The following CDKAL1 variants were observed in gnomAD, a reference collection of about 807,000 sequenced individuals.
The protein encoded by CDKAL1 is CDKAL1 threonylcarbamoyladenosine tRNA methylthiotransferase.
A neutral mutation model predicts 68.2 loss-of-function variants in CDKAL1; 32 were observed. The ratio of observed to expected loss-of-function variants is 0.47; its 90% CI spans 0.35 to 0.63. The LOEUF (loss-of-function observed/expected upper bound fraction) is 0.63. Ranked by LOEUF, CDKAL1 falls within the 30% of genes least tolerant of loss-of-function variation. The pLI is 0.00. For missense variants in CDKAL1, 606 were observed against 696.7 expected, an observed-to-expected ratio of 0.87 and a Z score of 1.47; for synonymous variants, 234 against 244.3, an observed-to-expected ratio of 0.96 and a Z score of 0.39.
chr6:21,118,615 C>T (rs1335088480), intron 13 of CDKAL1, among the ~76,000 whole-genome samples: 1 of 152,136 alleles, frequency 6.6e-6, no homozygotes, highest in Admixed American at 6.5e-5. Flanking sequence ...CACTTTTAAA[C>T]GTATACGTTA....
intron 13 of CDKAL1, among the ~76,000 whole-genome samples, chr6:21,185,307 G>T (rs894326312): frequency 6.6e-6 from 1 of 151,222 alleles, no homozygotes; most frequent in South Asian, 2.1e-4. Context: ...ATTGAAAATT[G>T]TTTGGACTAA....
At chr6:20,825,397 T>C (rs975674157) in intron 8 of CDKAL1, among the ~76,000 whole-genome samples, 2 of 152,142 alleles carry the variant, frequency 1.3e-5, no homozygotes, top group African/African-American at 4.8e-5. Flanking sequence ...AGTGAGAAGA[T>C]AGGCAGATAA....
chr6:20,803,806 A>T (rs950240594), intron 8 of CDKAL1, among the ~76,000 whole-genome samples: 1 of 152,194 alleles, frequency 6.6e-6, no homozygotes, highest in African/African-American at 2.4e-5. Context: ...AGAAATAGCT[A>T]CTGGGAAAAG....
In CDKAL1 at chr6:20,946,574, C is replaced by T. The variant is rs6901153; in HGVS notation, c.743-8845C>T. Among the ~76,000 whole-genome samples, 475 of 150,526 alleles carry T rather than the reference C, an allele frequency of 3.2e-3. 4 individuals carry two copies. Among genetic ancestry groups the T allele is most frequent in the African/African-American group, 9.9e-3 (407 of 41,016 alleles). ...TACAATGGATTTACTGGGATGTAAT[C>T]CAGTACCACAATCCATACCTTTTTT... is the stretch of plus-strand genomic sequence containing the variant. On this transcript the variant is annotated intron_variant, in intron 9 of 15. Coordinates refer to ENST00000274695, the MANE Select transcript of CDKAL1 (RefSeq NM_017774.3).
At chr6:20,636,777 C>T (rs1424823608) in intron 4 of CDKAL1, among the ~76,000 whole-genome samples, 2 of 152,146 alleles carry the variant, frequency 1.3e-5, no homozygotes, top group East Asian at 3.9e-4. Context: ...GTGGCCCATG[C>T]CTGTAATCCC....
chr6:20,548,959 A>G (rs996315336), intron 4 of CDKAL1, among the ~76,000 whole-genome samples: 2 of 152,222 alleles, frequency 1.3e-5, no homozygotes, highest in Admixed American at 6.5e-5. Context: ...TTCCCTTGAT[A>G]TTAACATCTT....
chr6:21,109,975 C>T (rs1774041162), intron 13 of CDKAL1, among the ~76,000 whole-genome samples: 1 of 152,218 alleles, frequency 6.6e-6, no homozygotes, highest in Non-Finnish European at 1.5e-5. Flanking sequence ...CTTCTACCGG[C>T]TTCCTCCTCA....
At chr6:21,041,442 T>C (rs1020649597) in intron 11 of CDKAL1, among the ~76,000 whole-genome samples, 2 of 152,248 alleles carry the variant, frequency 1.3e-5, no homozygotes, top group East Asian at 1.9e-4. Context: ...CAGATGTAAA[T>C]TTGTAAAAAG....
At chr6:21,044,001 A>G (rs1264790936) in intron 11 of CDKAL1, among the ~76,000 whole-genome samples, 1 of 152,232 alleles carries the variant, frequency 6.6e-6, no homozygotes, top group African/African-American at 2.4e-5. Context: ...ACATAGATTG[A>G]AGTGGAATAT....
At chr6:20,639,204 A>T (rs1394723944) in intron 4 of CDKAL1, among the ~76,000 whole-genome samples, 8 of 152,208 alleles carry the variant, frequency 5.3e-5, no homozygotes, top group Non-Finnish European at 7.4e-5. Flanking sequence ...AACAGACTTC[A>T]AGTTGACCCT....
intron 13 of CDKAL1, among the ~76,000 whole-genome samples, chr6:21,179,551 A>C (rs1426699057): frequency 6.6e-6 from 1 of 152,228 alleles, no homozygotes; most frequent in African/African-American, 2.4e-5. Flanking sequence ...TCTCAAGCTA[A>C]AGAATTTGGA....
intron 7 of CDKAL1, among the ~76,000 whole-genome samples, chr6:20,764,767 A>G (rs561880986): frequency 1.3e-5 from 2 of 152,304 alleles, no homozygotes; most frequent in African/African-American, 4.8e-5. Context: ...TTGGACCACA[A>G]AAGCACATCT....
At chr6:20,598,085 T>C (rs968211700) in intron 4 of CDKAL1, among the ~76,000 whole-genome samples, 2 of 152,222 alleles carry the variant, frequency 1.3e-5, no homozygotes, top group African/African-American at 4.8e-5. Context: ...GCTGGAGTTA[T>C]AGTGCGGACA....
At chr6:20,881,879 ATACAGAACAGT>A (rs1760841122) in intron 9 of CDKAL1, among the ~76,000 whole-genome samples, 1 of 152,172 alleles carries the variant, frequency 6.6e-6, no homozygotes, top group South Asian at 2.1e-4. Context: ...TGCAATCAAG[ATACAGAACAGT>A]TACACCACGT....
chr6:20,847,930 C>T (rs984844154), intron 9 of CDKAL1, among the ~76,000 whole-genome samples: 1 of 152,070 alleles, frequency 6.6e-6, no homozygotes. Flanking sequence ...GCTCAAGGGC[C>T]CGGATACAGA....
chr6:20,963,267 C>G lies in CDKAL1; in HGVS notation c.909+7682C>G, dbSNP rs1336637553. On this transcript the variant is annotated intron_variant, in intron 10 of 15. Transcript: ENST00000274695. ...CTAACTCTTCAACTTCTCTGCTAGTCCTGGGTTTGAGCAGCAGGAAGCTTT... is the reference window on the plus strand; with the variant it reads ...CTAACTCTTCAACTTCTCTGCTAGTGCTGGGTTTGAGCAGCAGGAAGCTTT... Among the ~76,000 whole-genome samples the G allele has an allele frequency of 2.0e-5, 3 of 152,128 alleles. 1 individual carries two copies. Among genetic ancestry groups the G allele is most frequent in the South Asian group, 4.2e-4 (2 of 4,816 alleles).
chr6:20,870,597 T>A (rs1324235331), intron 9 of CDKAL1, among the ~76,000 whole-genome samples: 2 of 152,162 alleles, frequency 1.3e-5, no homozygotes, highest in Non-Finnish European at 2.9e-5. Flanking sequence ...ATATCAGCAT[T>A]TTTTTCCCCT....
At chr6:20,652,307 A>G (rs1333043070) in intron 5 of CDKAL1, among the ~76,000 whole-genome samples, 1 of 152,210 alleles carries the variant, frequency 6.6e-6, no homozygotes, top group Non-Finnish European at 1.5e-5. Flanking sequence ...TGCCTGACAC[A>G]GTCCTTGCCT....
At chr6:20,738,245 A>T (rs1773285059) in intron 5 of CDKAL1, among the ~76,000 whole-genome samples, 1 of 152,184 alleles carries the variant, frequency 6.6e-6, no homozygotes, top group Admixed American at 6.6e-5. Context: ...ATGCAAAAGA[A>T]TTAAAGACTT....
Sources: gnomAD v4.1 joint callset for allele counts (sites outside exome capture counted in the v4.1 genomes callset) on GRCh38, gnomAD v4.1.1 for gene constraint, MANE v1.5 for transcripts, NCBI Gene and HGNC (gene_info 2026-07-23, HGNC 2026-07-21) for gene names.